Variants in SHANK2 observed in about 807,000 individuals in gnomAD.
SHANK2 encodes SH3 and multiple ankyrin repeat domains 2, also known as SH3 and multiple ankyrin repeat domains protein 2.
SHANK2 carries 43 observed loss-of-function variants against 133.7 expected under a neutral mutation model. That is an observed-to-expected ratio of 0.32 (90% CI 0.25 to 0.41). SHANK2 has a LOEUF of 0.41. SHANK2 is among the 10% of genes least tolerant of loss of function. The pLI, the probability that SHANK2 is intolerant of heterozygous loss-of-function variation, is 1.00. For synonymous variants in SHANK2, 1,017 were observed against 952.8 expected, an observed-to-expected ratio of 1.07 and a Z score of -1.24; for missense variants, 1,994 against 2,235.8, an observed-to-expected ratio of 0.89 and a Z score of 2.18.
At chr11:70,862,062 G>T (rs1234508515) in intron 11 of SHANK2, among the ~76,000 whole-genome samples, 3 of 152,084 alleles carry the variant, frequency 2.0e-5, no homozygotes, top group African/African-American at 7.2e-5. Context: ...AATCTGGTGT[G>T]GAGCCCAACC....
At chr11:70,899,072 A>T (rs1949985847) in intron 10 of SHANK2, among the ~76,000 whole-genome samples, 1 of 152,210 alleles carries the variant, frequency 6.6e-6, no homozygotes, top group Non-Finnish European at 1.5e-5. Context: ...TTCAACAGTT[A>T]GATGGTCTCT....
intron 11 of SHANK2, among the ~76,000 whole-genome samples, chr11:70,838,369 C>A (rs188847403): frequency 6.6e-6 from 1 of 152,298 alleles, no homozygotes; most frequent in African/African-American, 2.4e-5. Flanking sequence ...CTCTTCCTAG[C>A]TAGTAATTTC....
intron 17 of SHANK2, among the ~76,000 whole-genome samples, chr11:70,563,427 A>T (rs1474084275): frequency 6.6e-6 from 1 of 152,040 alleles, no homozygotes; most frequent in Non-Finnish European, 1.5e-5. Flanking sequence ...AGCTACATTT[A>T]TTCTTCTGTT....
chr11:71,217,122 G>A (rs375362285), intron 2 of SHANK2, among the ~76,000 whole-genome samples: 16 of 152,252 alleles, frequency 1.1e-4, no homozygotes, highest in South Asian at 4.1e-4. Flanking sequence ...GCTTGAACCC[G>A]GGGGGTAGAA....
chr11:71,244,397 G>A (rs1353694647), intron 1 of SHANK2, among the ~76,000 whole-genome samples: 2 of 152,240 alleles, frequency 1.3e-5, no homozygotes, highest in Non-Finnish European at 2.9e-5. Context: ...GGCACAGCCA[G>A]CTTTCAAACG....
At chr11:70,490,426 C>T (rs2058870489) in intron 22 of SHANK2, 39 bp from the exon 23 acceptor site, 3 of 1,543,290 alleles carry the variant, frequency 1.9e-6, no homozygotes, top group Non-Finnish European at 2.7e-6. Flanking sequence ...GCAGCCCTGG[C>T]CAGCCCCCAC....
chr11:71,151,779 G>A (rs1372799447), intron 2 of SHANK2, among the ~76,000 whole-genome samples: 1 of 125,094 alleles, frequency 8.0e-6, no homozygotes, highest in Non-Finnish European at 1.6e-5. Flanking sequence ...CGTCTGACTG[G>A]CAAGAGCAGG....
At chr11:70,677,754 C>T (rs1204075289) in intron 15 of SHANK2, among the ~76,000 whole-genome samples, 6 of 152,334 alleles carry the variant, frequency 3.9e-5, no homozygotes, top group East Asian at 1.9e-4. Flanking sequence ...CCCCTGAGCC[C>T]GAGATGCCCA....
chr11:70,937,652 C>A (rs1950590019), intron 10 of SHANK2, among the ~76,000 whole-genome samples: 1 of 151,906 alleles, frequency 6.6e-6, no homozygotes, highest in Non-Finnish European at 1.5e-5. Context: ...CTACTCCCAT[C>A]TTTTGAGTAC....
chr11:70,752,056 A>G (rs1199356913), intron 14 of SHANK2, among the ~76,000 whole-genome samples: 1 of 152,216 alleles, frequency 6.6e-6, no homozygotes, highest in East Asian at 1.9e-4. Flanking sequence ...TGCTCTAAAC[A>G]CATCAAATAA....
intron 2 of SHANK2, among the ~76,000 whole-genome samples, chr11:71,153,709 G>A (rs561793643): frequency 2.6e-5 from 4 of 152,340 alleles, no homozygotes; most frequent in Admixed American, 6.5e-5. Flanking sequence ...GCTCACGCCT[G>A]TAATCCCCGC....
At chr11:70,716,792 G>T (rs1310262164) in intron 14 of SHANK2, among the ~76,000 whole-genome samples, 1 of 152,110 alleles carries the variant, frequency 6.6e-6, no homozygotes, top group African/African-American at 2.4e-5. Context: ...CCGTAGTCTC[G>T]ACAGCTCATG....
intron 14 of SHANK2, among the ~76,000 whole-genome samples, chr11:70,711,856 G>A (rs1206178797): frequency 6.6e-6 from 1 of 152,248 alleles, no homozygotes; most frequent in African/African-American, 2.4e-5. Flanking sequence ...ACCTTGCAGG[G>A]GAGGGGAAGA....
intron 11 of SHANK2, among the ~76,000 whole-genome samples, chr11:70,835,374 A>G (rs1267993097): frequency 6.6e-6 from 1 of 152,030 alleles, no homozygotes; most frequent in Non-Finnish European, 1.5e-5. Flanking sequence ...CAGGACGCTC[A>G]GTCAAGAGGC....
At chr11:70,737,702 C>A (rs890619744) in intron 14 of SHANK2, among the ~76,000 whole-genome samples, 1 of 152,238 alleles carries the variant, frequency 6.6e-6, no homozygotes, top group African/African-American at 2.4e-5. Flanking sequence ...AGGGCTGCAG[C>A]CTCAGCCCCA....
intron 8 of SHANK2, among the ~76,000 whole-genome samples, chr11:71,090,990 A>C (rs1039345245): frequency 7.3e-5 from 11 of 151,550 alleles, no homozygotes; most frequent in Admixed American, 6.6e-4. Flanking sequence ...TTAAATGTTA[A>C]TCCCATCTTA....
chr11:70,813,412 G>A (rs3019828), intron 12 of SHANK2, among the ~76,000 whole-genome samples: 4,646 of 152,222 alleles, frequency 0.031, 135 homozygotes, highest in African/African-American at 0.079. Flanking sequence ...AGGCTGGACC[G>A]GAGCAGACAG....
Position 70,709,175 on chromosome 11 carries a change from C to T in SHANK2, c.1778-10412G>A, listed in dbSNP as rs782365106. 5.9e-5 allele frequency among the ~76,000 whole-genome samples: 9 copies of T among 152,240 alleles called. 1 individual carries two copies. The highest frequency in any genetic ancestry group is 1.3e-4 in the Non-Finnish European group (9 of 68,046). On this transcript the variant is annotated intron_variant, in intron 14 of 25. Coordinates refer to ENST00000601538, the MANE Select transcript of SHANK2 (RefSeq NM_012309.5). ...ACAGTGAGCTGAGATCACATCACTG[C>T]ACCACAGCCTGGGTGGCAGAGTGAG...
chr11:70,832,963 C>A (rs1435042775), intron 11 of SHANK2, among the ~76,000 whole-genome samples: 3 of 152,256 alleles, frequency 2.0e-5, no homozygotes, highest in African/African-American at 7.2e-5. Context: ...GTGTCCTCAG[C>A]ATCCTCACTG....
Sources: allele counts gnomAD v4.1 joint callset (sites outside exome capture counted in the v4.1 genomes callset), GRCh38; gene constraint gnomAD v4.1.1; transcripts MANE v1.5; gene names NCBI Gene and HGNC (gene_info 2026-07-23, HGNC 2026-07-21).